Variants in OPCML observed in about 807,000 individuals in gnomAD.
OPCML encodes opioid-binding protein/cell adhesion molecule.
In OPCML, 13 loss-of-function variants were observed where a neutral mutation model predicts 37.8. The ratio of observed to expected loss-of-function variants is 0.34; its 90% CI spans 0.22 to 0.55. OPCML has a LOEUF of 0.55. OPCML is among the 20% of genes least tolerant of loss of function. The pLI is 0.91. For missense variants in OPCML, 341 were observed against 435.6 expected (o/e 0.78, Z 1.93); for synonymous variants, 176 against 168.8 (o/e 1.04, Z -0.33).
At chr11:132,613,010 C>T (rs982060894) in intron 3 of OPCML, among the ~76,000 whole-genome samples, 4 of 152,078 alleles carry the variant, frequency 2.6e-5, no homozygotes, top group African/African-American at 4.8e-5. Context: ...TATTCCTGGA[C>T]GATGTCACAT....
At chr11:132,975,085 C>T (rs1051733117) in intron 1 of OPCML, among the ~76,000 whole-genome samples, 10 of 151,818 alleles carry the variant, frequency 6.6e-5, no homozygotes, top group African/African-American at 1.4e-4. Flanking sequence ...ACAGTTACTG[C>T]GCACCTACCT....
chr11:132,587,206 A>G (rs1438498240), intron 3 of OPCML, among the ~76,000 whole-genome samples: 1 of 152,226 alleles, frequency 6.6e-6, no homozygotes, highest in Non-Finnish European at 1.5e-5. Flanking sequence ...AATCTCCACA[A>G]AGATTCTGAG....
At chr11:132,778,961 CTTT>C (rs10657036) in intron 2 of OPCML, among the ~76,000 whole-genome samples, 3 of 87,942 alleles carry the variant, frequency 3.4e-5, no homozygotes, top group Non-Finnish European at 6.4e-5. Flanking sequence ...TGGTATATTT[CTTT>C]TTTTTTTTTT....
At chr11:132,936,277 G>A (rs542799147) in intron 2 of OPCML, among the ~76,000 whole-genome samples, 39 of 152,226 alleles carry the variant, frequency 2.6e-4, no homozygotes, top group African/African-American at 9.1e-4. Flanking sequence ...CTACATCTGG[G>A]GAGGGGGACA....
At chr11:132,775,196 T>C (rs904889108) in intron 2 of OPCML, among the ~76,000 whole-genome samples, 9 of 152,220 alleles carry the variant, frequency 5.9e-5, no homozygotes, top group African/African-American at 2.2e-4. Context: ...GGGAAGCACA[T>C]CGATGACTAT....
chr11:133,024,039 T>C (rs1350965395), intron 1 of OPCML, among the ~76,000 whole-genome samples: 3 of 152,000 alleles, frequency 2.0e-5, no homozygotes, highest in Non-Finnish European at 4.4e-5. Context: ...TGGAGTTGGG[T>C]TTTATTACGT....
chr11:132,533,414 G>T (rs1485984691), intron 3 of OPCML, among the ~76,000 whole-genome samples: 1 of 152,132 alleles, frequency 6.6e-6, no homozygotes, highest in Non-Finnish European at 1.5e-5. Flanking sequence ...GTAAGTAGGT[G>T]GGTAGCTAGA....
At position 132,842,866 on chromosome 11, in the gene OPCML, C is replaced by G. The variant is rs527393431; in HGVS notation, c.146+100060G>C. Among the ~76,000 whole-genome samples the G allele has an allele frequency of 2.0e-5, 3 of 152,280 alleles. No individual in the cohort carries two copies. The South Asian group carries it at 6.2e-4, about 32-fold the overall frequency. On this transcript the variant is annotated intron_variant, in intron 2 of 7. Transcript: ENST00000524381. The stretch of plus-strand genomic sequence containing the variant: ...ATTCACCCTAAAATGTTAGGTGATG[C>G]TACGACACTGAAGGTGAGAAAAGGT...
At chr11:133,440,399 C>CAAAA (rs574269636) in intron 1 of OPCML, among the ~76,000 whole-genome samples, 18 of 100,246 alleles carry the variant, frequency 1.8e-4, no homozygotes, top group African/African-American at 4.7e-4. Flanking sequence ...AACTCCATCT[C>CAAAA]AAAAAAAAAA....
rs1224941883 is a variant in OPCML at position 132,864,645 on chromosome 11, T to C, written c.146+78281A>G. ...AATTGCAAGTAGGAATTCAATAAAT[T>C]TGAATGAAATCATGACCATGAAGCA... On this transcript the variant is annotated intron_variant, in intron 2 of 7. Transcript: ENST00000524381. Among the ~76,000 whole-genome samples, 3 of 152,172 alleles carry C rather than the reference T, an allele frequency of 2.0e-5. No individual in the cohort carries two copies. The South Asian group carries it at 6.2e-4, about 32-fold the overall frequency.
chr11:132,521,108 G>T (rs2096292231), intron 4 of OPCML, among the ~76,000 whole-genome samples: 1 of 152,024 alleles, frequency 6.6e-6, no homozygotes, highest in Admixed American at 6.6e-5. Context: ...TTGTGATTTT[G>T]ATTTGCATTT....
chr11:132,519,106 G>A (rs1237603639), intron 4 of OPCML, among the ~76,000 whole-genome samples: 1 of 152,176 alleles, frequency 6.6e-6, no homozygotes, highest in South Asian at 2.1e-4. Flanking sequence ...AGTGTGAGGA[G>A]TATTAAGTAG....
At chr11:133,078,563 T>A (rs1565435223) in intron 1 of OPCML, among the ~76,000 whole-genome samples, 2 of 152,168 alleles carry the variant, frequency 1.3e-5, no homozygotes. Context: ...CTTTTGAAGT[T>A]TAGAGACCTG....
At chr11:133,305,194 C>G (rs934728139) in intron 1 of OPCML, among the ~76,000 whole-genome samples, 2 of 152,158 alleles carry the variant, frequency 1.3e-5, no homozygotes, top group African/African-American at 2.4e-5. Context: ...CATAAGATAG[C>G]AGACACGAAG....
intron 1 of OPCML, among the ~76,000 whole-genome samples, chr11:132,958,815 A>G (rs796255673): frequency 5.4e-5 from 5 of 92,522 alleles, no homozygotes; most frequent in African/African-American, 1.7e-4. Flanking sequence ...ACTTCTCAGG[A>G]AAAAAAGATA....
chr11:133,033,393 T>A (rs1444508967), intron 1 of OPCML, among the ~76,000 whole-genome samples: 4 of 152,224 alleles, frequency 2.6e-5, no homozygotes, highest in Non-Finnish European at 5.9e-5. Context: ...CATTTAGGAC[T>A]ATGCATTCAT....
chr11:132,664,120 A>G (rs1475833993), intron 2 of OPCML, among the ~76,000 whole-genome samples: 2 of 152,312 alleles, frequency 1.3e-5, no homozygotes, highest in East Asian at 3.9e-4. Flanking sequence ...ATAAAACATC[A>G]TCTGTTCCAT....
intron 2 of OPCML, among the ~76,000 whole-genome samples, chr11:132,675,181 G>A (rs2509070): frequency 6.2e-4 from 89 of 143,618 alleles, no homozygotes; most frequent in Non-Finnish European, 8.3e-4. Flanking sequence ...GTGTGTGTGT[G>A]TATATATATA....
intron 1 of OPCML, among the ~76,000 whole-genome samples, chr11:133,249,966 C>T (rs1255572270): frequency 6.6e-6 from 1 of 152,202 alleles, no homozygotes; most frequent in Non-Finnish European, 1.5e-5. Flanking sequence ...GGTTACTCTC[C>T]ATGAGCTTGG....
Sources: gnomAD v4.1 joint callset for allele counts (sites outside exome capture counted in the v4.1 genomes callset) on GRCh38, gnomAD v4.1.1 for gene constraint, MANE v1.5 for transcripts, NCBI Gene and HGNC (gene_info 2026-07-23, HGNC 2026-07-21) for gene names.